SLC6A18: variants seen among roughly 807,000 people sequenced by gnomAD.
SLC6A18 encodes the protein solute carrier family 6 member 18.
Under a neutral mutation model 62.9 loss-of-function variants are expected in SLC6A18, and 58 were observed. That is an observed-to-expected ratio of 0.92 (90% CI 0.75 to 1.15). The LOEUF (loss-of-function observed/expected upper bound fraction) is 1.15. Ranked by LOEUF, SLC6A18 falls within the 50% of genes most tolerant of loss-of-function variation. The pLI, the probability that SLC6A18 is intolerant of heterozygous loss-of-function variation, is 0.00. For synonymous variants in SLC6A18, 382 were observed against 365.8 expected (o/e 1.04, Z -0.51); for missense variants, 793 against 836.6 (o/e 0.95, Z 0.64).
chr5:1,239,574 G>A lies in SLC6A18; in HGVS notation c.845+12G>A. ...TACAACTCGCCCAGGTAGGCAGTCG[G>A]GCTCAGCTGTCCAGCCAGGGAAGCT... On this transcript the variant is annotated intron_variant, in intron 6 of 11. Coordinates refer to ENST00000324642, the MANE Select transcript of SLC6A18 (RefSeq NM_182632.3). The A allele has an allele frequency of 5.6e-6, 9 of 1,602,894 alleles. No homozygotes were observed. Among genetic ancestry groups the A allele is most frequent in the Non-Finnish European group, 6.8e-6 (8 of 1,169,898 alleles).
At chr5:1,233,873 C>A (rs1242141538) in intron 3 of SLC6A18, among the ~76,000 whole-genome samples, 3 of 152,002 alleles carry the variant, frequency 2.0e-5, no homozygotes, top group Non-Finnish European at 2.9e-5. Context: ...TCCCAAATAG[C>A]TAGGACTACA....
At chr5:1,230,472 G>A (rs1746704204) in intron 1 of SLC6A18, among the ~76,000 whole-genome samples, 1 of 152,168 alleles carries the variant, frequency 6.6e-6, no homozygotes, top group Admixed American at 6.5e-5. Context: ...TTCAATGCTT[G>A]TCTTTCTGCC....
intron 6 of SLC6A18, among the ~76,000 whole-genome samples, chr5:1,240,310 G>A (rs1412249139): frequency 6.6e-6 from 1 of 152,230 alleles, no homozygotes; most frequent in Non-Finnish European, 1.5e-5. Context: ...ATGGGTTTCA[G>A]ACCCTTAGCA....
intron 7 of SLC6A18, 71 bp downstream of exon 7, chr5:1,240,730 C>T: frequency 6.3e-7 from 1 of 1,595,828 alleles, no homozygotes; most frequent in Non-Finnish European, 8.5e-7. Context: ...ACCGAGAATC[C>T]CAAGGCATGA....
rs1747056970 is a variant in SLC6A18, at chr5:1,241,406, G to A, written c.974+747G>A. ...CCACACTTGTGTGAGGGGTGTGCCTGGCATCCAGTGGGTGGAGGCCGAGGA... is the reference window on the plus strand; with the variant it reads ...CCACACTTGTGTGAGGGGTGTGCCTAGCATCCAGTGGGTGGAGGCCGAGGA... On this transcript the variant is annotated intron_variant, in intron 7 of 11. Coordinates refer to ENST00000324642, the MANE Select transcript of SLC6A18 (RefSeq NM_182632.3). This position sits in a 1 kb window ranked among gnomAD's most constrained non-coding sequence, Gnocchi z 7.8. Among the ~76,000 whole-genome samples the A allele has an allele frequency of 6.6e-6, 1 of 152,170 alleles. No homozygotes were observed. Among genetic ancestry groups the A allele is most frequent in the Non-Finnish European group, 1.5e-5 (1 of 68,032 alleles).
rs1747045491 is a variant in SLC6A18 at position 1,241,005 on chromosome 5, G to T, written c.974+346G>T. On this transcript the variant is annotated intron_variant, in intron 7 of 11. Coordinates refer to ENST00000324642, the MANE Select transcript of SLC6A18 (RefSeq NM_182632.3). This position sits in a 1 kb window ranked among gnomAD's most constrained non-coding sequence, Gnocchi z 7.8. ...GCAGCGCTTGTGGCCACAGCCCAGG[G>T]ATGCCTGAAGGTGCAGAAGCTGGAA... 6.6e-6 allele frequency among the ~76,000 whole-genome samples: 1 copy of T among 152,230 alleles called. No individual in the cohort carries two copies. Among genetic ancestry groups the T allele is most frequent in the Admixed American group, 6.5e-5 (1 of 15,282 alleles).
rs1554037501 is a variant in SLC6A18 at position 1,246,143 on chromosome 5, G to GC, written c.*69dup. 14 of 1,438,514 alleles carry GC rather than the reference G, an allele frequency of 9.7e-6. 1 individual carries two copies. The South Asian group carries it at 1.4e-4, about 14-fold the overall frequency. The allele number at this position is 1,438,514 out of a possible 1,614,324, so 89.1% of individuals were successfully genotyped here. ...GGGGCTTGGCCTGATGGTGGGCGGGGCCCCGCCCACAGGGCCGACCCCAAT... is the reference window on the plus strand; with the variant it reads ...GGGGCTTGGCCTGATGGTGGGCGGGGCCCCCGCCCACAGGGCCGACCCCAAT... On this transcript the variant is annotated 3_prime_UTR_variant, in exon 12 of 12. Coordinates refer to ENST00000324642, the MANE Select transcript of SLC6A18 (RefSeq NM_182632.3).
chr5:1,239,411 T>C, intron 5 of SLC6A18, 39 bp from the exon 6 acceptor site: 1 of 1,504,494 alleles, frequency 6.6e-7, no homozygotes, highest in Non-Finnish European at 9.3e-7. Flanking sequence ...CTCATGTGGT[T>C]TGCCTGCTGA....
intron 10 of SLC6A18, 109 bp from the exon 11 acceptor site, chr5:1,244,499 C>T (rs1579535307): frequency 2.6e-6 from 4 of 1,545,836 alleles, no homozygotes; most frequent in East Asian, 2.3e-5. Flanking sequence ...GGGGAGCTGC[C>T]GAGGCACCAG....
intron 6 of SLC6A18, among the ~76,000 whole-genome samples, chr5:1,239,972 T>C (rs1009955620): frequency 6.6e-6 from 1 of 152,266 alleles, no homozygotes; most frequent in Non-Finnish European, 1.5e-5. Context: ...TGCACTGTGA[T>C]GAACCTGAAA....
intron 1 of SLC6A18, among the ~76,000 whole-genome samples, chr5:1,231,486 G>C (rs1263065944): frequency 2.0e-5 from 3 of 152,182 alleles, no homozygotes; most frequent in Non-Finnish European, 2.9e-5. Context: ...GATGGTTCCA[G>C]TTCCCAGGAG....
rs1392143929 is a variant in SLC6A18 at position 1,225,580 on chromosome 5, G to A, written c.103G>A (p.Ala35Thr). 6.2e-7 allele frequency: 1 copy of A among 1,610,754 alleles called. No individual in the cohort carries two copies. The change falls in exon 1 of 12, where the codon GCC (alanine) becomes ACC (threonine). Residue 35 changes from alanine (A) to threonine (T), a missense_variant. Transcript: ENST00000324642. ...AQYLLSCTGF[A>T]VGLGNIWRFP... ...GTACCTCCTGAGCTGCACTGGGTTTGCCGTGGGACTGGGGAACATTTGGCG... is the reference window on the plus strand; with the variant it reads ...GTACCTCCTGAGCTGCACTGGGTTTACCGTGGGACTGGGGAACATTTGGCG...
rs747783153 is a variant in SLC6A18 at position 1,245,872 on chromosome 5, A to C, written c.1681A>C (p.Lys561Gln). The C allele has an allele frequency of 1.2e-5, 20 of 1,607,792 alleles. No individual in the cohort carries two copies. The highest frequency in any genetic ancestry group is 1.7e-5 in the Non-Finnish European group (20 of 1,178,776). ...KYELFPSRQE[K>Q]LYPGWARAAC... ...GGAGCTGTTCCCCTCGCGTCAGGAG[A>C]AGCTCTACCCGGGCTGGGCGCGCGC... The change falls in exon 12 of 12, where the codon AAG becomes CAG. Residue 561 changes from lysine (K) to glutamine (Q), a missense_variant. Transcript: ENST00000324642.
At chr5:1,228,110 A>T (rs1338123206) in intron 1 of SLC6A18, among the ~76,000 whole-genome samples, 1 of 127,910 alleles carries the variant, frequency 7.8e-6, no homozygotes, top group African/African-American at 2.8e-5. Flanking sequence ...GCCTAGTAGT[A>T]GAGCAAGGCC....
chr5:1,242,194 C>T (rs1397672965), intron 7 of SLC6A18, among the ~76,000 whole-genome samples: 1 of 152,326 alleles, frequency 6.6e-6, no homozygotes, highest in South Asian at 2.1e-4. Context: ...GCTGCCACCA[C>T]CCCCACCCCC....
At chr5:1,233,459 C>G (rs1457361145) in intron 3 of SLC6A18, among the ~76,000 whole-genome samples, 1 of 152,106 alleles carries the variant, frequency 6.6e-6, no homozygotes, top group Non-Finnish European at 1.5e-5. Context: ...GACGGGGTGA[C>G]AGAGTGAGAC....
chr5:1,237,090 A>AC (rs1486134247), intron 4 of SLC6A18, among the ~76,000 whole-genome samples: 4 of 151,352 alleles, frequency 2.6e-5, no homozygotes, highest in African/African-American at 7.3e-5. Flanking sequence ...AAAAAAAAAA[A>AC]AATTAGCCAG....
Position 1,238,302 on chromosome 5 carries a change from G to A in SLC6A18, c.732+242G>A, listed in dbSNP as rs548123800. ...AAGAGGTCAGGTTTGGAGTGGGCCT[G>A]GAGGACTCAGGAAAGACATCAGGTT... On this transcript the variant is annotated intron_variant, in intron 5 of 11. Transcript: ENST00000324642. Among the ~76,000 whole-genome samples, 11 of 138,282 alleles carry A rather than the reference G, an allele frequency of 8.0e-5. No homozygotes were observed. In the East Asian group the frequency reaches 2.2e-3, roughly 27 times the overall value. 90.7% of individuals were successfully genotyped at this position (138,282 alleles called of 152,430 possible). A position where few individuals can be genotyped will look rare whatever the true frequency, so the allele number is the denominator to read the frequency against.
intron 1 of SLC6A18, among the ~76,000 whole-genome samples, chr5:1,228,096 C>T (rs1448914267): frequency 6.6e-5 from 10 of 150,798 alleles, no homozygotes; most frequent in Admixed American, 3.3e-4. Context: ...TCGTTAGTCT[C>T]GACGCCTAGT....
Sources: allele counts gnomAD v4.1 joint callset (sites outside exome capture counted in the v4.1 genomes callset), GRCh38; gene constraint gnomAD v4.1.1; non-coding constraint Gnocchi (gnomAD v3.1); transcripts MANE v1.5; gene names NCBI Gene and HGNC (gene_info 2026-07-23, HGNC 2026-07-21).